The following EPRS1 variants were observed in gnomAD, a reference collection of about 807,000 sequenced individuals.
EPRS1 encodes glutamyl-prolyl-tRNA synthetase 1.
In EPRS1, 107 loss-of-function variants were observed where a neutral mutation model predicts 188.3. The ratio of observed to expected loss-of-function variants is 0.57; its 90% confidence interval spans 0.49 to 0.67. The LOEUF is 0.67. Ranked by LOEUF, EPRS1 falls within the 30% of genes least tolerant of loss-of-function variation. The pLI is 0.00. For synonymous variants in EPRS1, 596 were observed against 593.1 expected (o/e 1.00, Z -0.07); for missense variants, 1,577 against 1,802.2 (o/e 0.88, Z 2.26).
chr1:220,023,485 C>T (rs775828367), intron 8 of EPRS1, among the ~76,000 whole-genome samples: 2 of 152,154 alleles, frequency 1.3e-5, no homozygotes, highest in African/African-American at 4.8e-5. Flanking sequence ...TTTAGAAGTT[C>T]AGGAGAGAAG....
At chr1:220,014,684 T>C (rs1313276471) in intron 12 of EPRS1, among the ~76,000 whole-genome samples, 1 of 152,172 alleles carries the variant, frequency 6.6e-6, no homozygotes, top group Non-Finnish European at 1.5e-5. Flanking sequence ...AGAAAAGATA[T>C]AAAATTACTG....
intron 20 of EPRS1, among the ~76,000 whole-genome samples, chr1:219,985,513 C>T (rs541755640): frequency 7.8e-4 from 119 of 152,188 alleles, no homozygotes; most frequent in African/African-American, 2.7e-3. Flanking sequence ...GTGCCTCAGC[C>T]CCCCTCCCCC....
rs1318518170 is a variant in EPRS1, at chr1:220,040,383, G to C, written c.47-114C>G. 13 of 670,360 alleles carry C rather than the reference G, an allele frequency of 1.9e-5. No homozygotes were observed. In the Admixed American group the frequency reaches 3.3e-4, roughly 17 times the overall value. 41.5% of individuals were successfully genotyped at this position (670,360 alleles called of 1,614,324 possible). A position where few individuals can be genotyped will look rare whatever the true frequency, so the allele number is the denominator to read the frequency against. On this transcript the variant is annotated intron_variant, in intron 1 of 31. Coordinates refer to ENST00000366923, the MANE Select transcript of EPRS1 (RefSeq NM_004446.3). The stretch of plus-strand genomic sequence containing the variant: ...ACCAATATTAAGTCCTACAAGGAGT[G>C]AACTTTTTTCTCAGTAGTCTGTAGA...
intron 22 of EPRS1, 127 bp from the exon 23 acceptor site, chr1:219,982,971 T>C (rs1660928619): frequency 8.3e-6 from 7 of 840,048 alleles, no homozygotes. Flanking sequence ...AAATAGTCGC[T>C]GCTGTTCACT....
chr1:219,978,936 A>G (rs1403312788), intron 27 of EPRS1, among the ~76,000 whole-genome samples: 2 of 56,942 alleles, frequency 3.5e-5, no homozygotes, highest in Non-Finnish European at 3.2e-5. Context: ...TCTATTTTTC[A>G]TATGTGTGTG....
At chr1:220,024,649 A>G (rs1226815580) in intron 7 of EPRS1, among the ~76,000 whole-genome samples, 193 bp from the exon 8 acceptor site, 1 of 152,172 alleles carries the variant, frequency 6.6e-6, no homozygotes, top group Non-Finnish European at 1.5e-5. Flanking sequence ...TTAGCCTCCA[A>G]ATTTCCAGCT....
At chr1:219,972,204 T>G in intron 29 of EPRS1, 57 bp from the exon 30 acceptor site, 1 of 1,113,180 alleles carries the variant, frequency 9.0e-7, no homozygotes, top group South Asian at 1.4e-5. Flanking sequence ...TGACAAAGTT[T>G]TATGAAACAC....
chr1:220,033,052 A>G (rs1277595326), intron 4 of EPRS1, among the ~76,000 whole-genome samples: 4 of 152,358 alleles, frequency 2.6e-5, no homozygotes, highest in Non-Finnish European at 5.9e-5. Flanking sequence ...AACTAGTTGT[A>G]GAAGAAGGAA....
chr1:220,018,582 C>T, intron 11 of EPRS1, 74 bp from the exon 12 acceptor site: 1 of 708,612 alleles, frequency 1.4e-6, no homozygotes, highest in Non-Finnish European at 2.2e-6. Flanking sequence ...TCATGCTAAG[C>T]ATGTTTAGAA....
rs1204880892 is a variant in EPRS1 at position 219,997,362 on chromosome 1, A to G, written c.2182-20T>C. 6.6e-7 allele frequency: 1 copy of G among 1,519,854 alleles called. No homozygotes were observed. The highest frequency in any genetic ancestry group is 2.3e-5 in the East Asian group (1 of 43,824). 94.1% of individuals were successfully genotyped at this position (1,519,854 alleles called of 1,614,324 possible). ...AGAGGTCTACCAAGAGAGAAAACCAAAAGTAAAATAATTAATTCATATTAA... is the reference window on the plus strand; with the variant it reads ...AGAGGTCTACCAAGAGAGAAAACCAGAAGTAAAATAATTAATTCATATTAA... On this transcript the variant is annotated intron_variant, in intron 17 of 31. Transcript: ENST00000366923.
At chr1:220,007,759 C>T (rs952655790) in intron 13 of EPRS1, among the ~76,000 whole-genome samples, 1 of 152,166 alleles carries the variant, frequency 6.6e-6, no homozygotes, top group African/African-American at 2.4e-5. Flanking sequence ...GAATCTGTTT[C>T]CTATCCTTAG....
chr1:219,982,749 T>C, intron 23 of EPRS1, 23 bp downstream of exon 23: 1 of 1,604,702 alleles, frequency 6.2e-7, no homozygotes, highest in Non-Finnish European at 8.5e-7. Flanking sequence ...AGCATTCTCT[T>C]GCACTCCAAT....
chr1:219,970,506 C>T (rs547387533), intron 30 of EPRS1, among the ~76,000 whole-genome samples: 85 of 152,230 alleles, frequency 5.6e-4, no homozygotes, highest in African/African-American at 1.8e-3. Flanking sequence ...AGGCCAGGTG[C>T]AGTGGCTCAC....
chr1:219,973,482 TAAATTATAA>T (rs1333568991), intron 28 of EPRS1, 84 bp from the exon 29 acceptor site: 10 of 904,978 alleles, frequency 1.1e-5, no homozygotes, highest in Non-Finnish European at 1.5e-5. Context: ...TTAGCTACCA[TAAATTATAA>T]AAAACCCAAA....
chr1:219,988,546 G>A (rs1661056437), intron 19 of EPRS1, 44 bp downstream of exon 19: 2 of 1,366,776 alleles, frequency 1.5e-6, no homozygotes, highest in Admixed American at 1.8e-5. Flanking sequence ...ACAATACCCT[G>A]AAACATAAAA....
chr1:220,010,817 A>T (rs2102583400), intron 13 of EPRS1, 129 bp downstream of exon 13: 2 of 595,368 alleles, frequency 3.4e-6, no homozygotes, highest in East Asian at 5.9e-5. Flanking sequence ...TCAAAAAAAA[A>T]AAAAAAAAGA....
rs747754264 is a variant in EPRS1, at chr1:220,006,130, C to T, written c.1926G>A (p.Lys642=). 1.9e-6 allele frequency: 3 copies of T among 1,588,864 alleles called. No homozygotes were observed. Among genetic ancestry groups the T allele is most frequent in the Non-Finnish European group, 2.6e-6 (3 of 1,164,802 alleles). Residue 642 remains lysine, a synonymous_variant, in exon 15 of 32, where the codon AAG becomes AAA. Transcript: ENST00000366923. The part of the protein sequence containing the change: ...KPVLGKDEDF[K]QYVNKNSKHE... ...CCTTACTGTTCTTGTTGACATACTG[C>T]TTAAAGTCCTCGTCTTTTCCTAGCA...
At chr1:220,016,557 T>C (rs1371993150) in intron 12 of EPRS1, among the ~76,000 whole-genome samples, 1 of 144,466 alleles carries the variant, frequency 6.9e-6, no homozygotes. Flanking sequence ...ACTACAAGCA[T>C]GCACGACCAG....
At chr1:220,032,601 G>C (rs2789816) in intron 4 of EPRS1, 75 bp from the exon 5 acceptor site, 7 of 1,440,120 alleles carry the variant, frequency 4.9e-6, no homozygotes, top group Non-Finnish European at 5.8e-6. Context: ...GTGACTAATT[G>C]AAGTAATTGA....
Sources: allele counts gnomAD v4.1 joint callset (sites outside exome capture counted in the v4.1 genomes callset), GRCh38; gene constraint gnomAD v4.1.1; transcripts MANE v1.5; gene names NCBI Gene and HGNC (gene_info 2026-07-23, HGNC 2026-07-21).